Variants in CALN1 observed in about 807,000 individuals in gnomAD.
CALN1 encodes the protein calcium-binding protein 8.
A neutral mutation model predicts 30.6 loss-of-function variants in CALN1; 17 were observed. The observed-to-expected ratio is 0.56, with a 90% CI of 0.38 to 0.83. The LOEUF (loss-of-function observed/expected upper bound fraction) is 0.83, where lower values mean the gene tolerates loss of function less well. CALN1 is among the 40% of genes least tolerant of loss of function. The pLI is 0.00. For synonymous variants in CALN1, 156 were observed against 131.4 expected, an observed-to-expected ratio of 1.19 and a Z score of -1.28; for missense variants, 291 against 354.9, an observed-to-expected ratio of 0.82 and a Z score of 1.45.
chr7:72,096,243 T>G (rs573514619), intron 4 of CALN1, among the ~76,000 whole-genome samples: 4 of 152,254 alleles, frequency 2.6e-5, no homozygotes, highest in African/African-American at 9.6e-5. Flanking sequence ...TCTCTGCACA[T>G]GCAAGCACTT....
At chr7:71,830,136 C>G (rs2116403779) in intron 5 of CALN1, among the ~76,000 whole-genome samples, 1 of 151,602 alleles carries the variant, frequency 6.6e-6, no homozygotes, top group Middle Eastern at 3.4e-3. Context: ...CTCTGCCTCC[C>G]AGGTTCAAGT....
chr7:71,934,695 C>A (rs907814079), intron 5 of CALN1, among the ~76,000 whole-genome samples: 1 of 152,184 alleles, frequency 6.6e-6, no homozygotes, highest in Non-Finnish European at 1.5e-5. Flanking sequence ...CCACCTCCAA[C>A]ACTGAGGGTT....
intron 2 of CALN1, among the ~76,000 whole-genome samples, chr7:72,396,194 C>T (rs1413997816): frequency 5.9e-5 from 8 of 135,546 alleles, no homozygotes; most frequent in Middle Eastern, 3.9e-3. Context: ...GTCAGGAGTT[C>T]GAGACCAGCC....
intron 4 of CALN1, among the ~76,000 whole-genome samples, chr7:72,037,778 T>C (rs564125728): frequency 6.6e-6 from 1 of 151,976 alleles, no homozygotes; most frequent in Non-Finnish European, 1.5e-5. Flanking sequence ...ATATCTTGTC[T>C]CTATGCCAAT....
chr7:71,987,864 T>A (rs546333916), intron 5 of CALN1, among the ~76,000 whole-genome samples: 21 of 152,220 alleles, frequency 1.4e-4, no homozygotes, highest in African/African-American at 5.1e-4. Flanking sequence ...TGGGCATATA[T>A]AGCTGGGAGT....
Position 72,242,374 on chromosome 7 carries a change from T to C in CALN1, c.244+36312A>G, listed in dbSNP as rs571566466. On this transcript the variant is annotated intron_variant, in intron 3 of 6. Coordinates refer to ENST00000395275, the MANE Select transcript of CALN1 (RefSeq NM_031468.4). ...TATAGGCATAAATTGATGGATAATA[T>C]GGTAACTTTATGTTTGGGTTTAAAA... Among the ~76,000 whole-genome samples the C allele has an allele frequency of 2.0e-5, 3 of 152,186 alleles. No individual in the cohort carries two copies. The East Asian group carries it at 5.8e-4, about 29-fold the overall frequency.
intron 2 of CALN1, among the ~76,000 whole-genome samples, chr7:72,283,831 G>T (rs920242996): frequency 6.6e-6 from 1 of 152,188 alleles, no homozygotes; most frequent in East Asian, 1.9e-4. Context: ...TATGCAGAAG[G>T]GGCTACTTGA....
intron 5 of CALN1, among the ~76,000 whole-genome samples, chr7:71,816,026 ATTTT>A (rs35971928): frequency 6.8e-6 from 1 of 148,066 alleles, no homozygotes; most frequent in African/African-American, 2.5e-5. Flanking sequence ...GACCTGGCTA[ATTTT>A]TTTTTTAATT....
intron 3 of CALN1, among the ~76,000 whole-genome samples, chr7:72,223,860 C>T (rs1793482787): frequency 6.6e-6 from 1 of 152,184 alleles, no homozygotes; most frequent in Admixed American, 6.5e-5. Context: ...AACATGGAAG[C>T]AGCTGGAGGC....
intron 2 of CALN1, among the ~76,000 whole-genome samples, chr7:72,311,644 G>T (rs1800057280): frequency 7.4e-6 from 1 of 135,794 alleles, no homozygotes; most frequent in East Asian, 2.2e-4. Context: ...CACAACGCCT[G>T]GCTGAGATTT....
rs138022890 is a variant in CALN1, at chr7:71,928,341, GT to G, written c.501+95315del. Among the ~76,000 whole-genome samples, 10 of 151,692 alleles carry G rather than the reference GT, an allele frequency of 6.6e-5. No homozygotes were observed. In the East Asian group the frequency reaches 1.8e-3, roughly 27 times the overall value. On this transcript the variant is annotated intron_variant, in intron 5 of 6. Transcript: ENST00000395275. ...TTGGTTTCCCATAGATGACTCAATG[GT>G]TGTGTCCAATCTCTCCTTGGGAATG...
chr7:72,408,782 T>G (rs73133136), intron 1 of CALN1, among the ~76,000 whole-genome samples: 1 of 141,094 alleles, frequency 7.1e-6, no homozygotes, highest in Non-Finnish European at 1.5e-5. Flanking sequence ...GCTCAAGTGA[T>G]CCTGCCACCT....
intron 5 of CALN1, among the ~76,000 whole-genome samples, chr7:71,811,763 C>T (rs1787975980): frequency 1.3e-5 from 2 of 150,852 alleles, no homozygotes; most frequent in South Asian, 4.3e-4. Flanking sequence ...ACTGCAAACT[C>T]CACCTCCCGG....
intron 3 of CALN1, among the ~76,000 whole-genome samples, chr7:72,274,881 T>G (rs532543302): frequency 3.3e-5 from 5 of 152,260 alleles, no homozygotes; most frequent in African/African-American, 4.8e-5. Context: ...TGAAGCAGCT[T>G]TGCATGTTTC....
chr7:72,090,020 T>C (rs1388412058), intron 4 of CALN1, among the ~76,000 whole-genome samples: 1 of 152,064 alleles, frequency 6.6e-6, no homozygotes, highest in Non-Finnish European at 1.5e-5. Context: ...GCAATGAAAA[T>C]AGAAAATTGG....
Position 72,409,901 on chromosome 7 carries a change from G to A in CALN1, c.-74+2157C>T, listed in dbSNP as rs148530178. Among the ~76,000 whole-genome samples the A allele has an allele frequency of 2.4e-4, 36 of 152,128 alleles. No homozygotes were observed. In the East Asian group the frequency reaches 3.1e-3, roughly 13 times the overall value. On this transcript the variant is annotated intron_variant, in intron 1 of 6. Coordinates refer to ENST00000395275, the MANE Select transcript of CALN1 (RefSeq NM_031468.4). ...TCTGCTAGATTTTACAATTGTTGAG[G>A]GCCACATTATAATCAGTTTTTTCCC...
intron 4 of CALN1, among the ~76,000 whole-genome samples, chr7:72,091,365 T>C (rs1024531820): frequency 1.3e-5 from 2 of 152,148 alleles, no homozygotes; most frequent in East Asian, 1.9e-4. Flanking sequence ...CAGTAATTTA[T>C]TGTATATTTC....
intron 1 of CALN1, among the ~76,000 whole-genome samples, chr7:72,435,708 C>T (rs1192728546): frequency 6.6e-6 from 1 of 152,100 alleles, no homozygotes; most frequent in Non-Finnish European, 1.5e-5. Context: ...TTCATCTTCC[C>T]TGGCTCCGGC....
At chr7:72,132,104 A>G (rs1468968901) in intron 3 of CALN1, among the ~76,000 whole-genome samples, 2 of 152,198 alleles carry the variant, frequency 1.3e-5, no homozygotes, top group Non-Finnish European at 2.9e-5. Context: ...ATATTGATCA[A>G]TATCGCTCTA....
Sources: allele counts gnomAD v4.1 joint callset (sites outside exome capture counted in the v4.1 genomes callset), GRCh38; gene constraint gnomAD v4.1.1; transcripts MANE v1.5; gene names NCBI Gene and HGNC (gene_info 2026-07-23, HGNC 2026-07-21).